The following CAST variants were observed in gnomAD, a reference collection of about 807,000 sequenced individuals.
CAST encodes MIR583 host.
In CAST, 76 loss-of-function variants were observed where a neutral mutation model predicts 119.6. The observed-to-expected ratio is 0.64, with a 90% CI of 0.53 to 0.77. CAST has a LOEUF of 0.77. Among genes scored for constraint, CAST ranks in the 30% least tolerant of loss-of-function variants. The pLI, the probability that CAST is intolerant of heterozygous loss-of-function variation, is 0.00. For synonymous variants in CAST, 319 were observed against 331.6 expected, an observed-to-expected ratio of 0.96 and a Z score of 0.41; for missense variants, 953 against 946.5, an observed-to-expected ratio of 1.01 and a Z score of -0.09.
chr5:96,054,673 C>A, the CAST span, among the ~76,000 whole-genome samples: 1 of 152,078 alleles, frequency 6.6e-6, no homozygotes, highest in Non-Finnish European at 1.5e-5. Context: ...GAGGAACATA[C>A]AATATTGCCG....
At position 96,746,121 on chromosome 5, in the gene CAST, G is replaced by T. The variant is rs56244028; in HGVS notation, c.1201-221G>T. Among the ~76,000 whole-genome samples, 14,231 of 152,216 alleles carry T rather than the reference G, an allele frequency of 0.093. 799 individuals carry two copies. Among genetic ancestry groups the T allele is most frequent in the African/African-American group, 0.14 (5,950 of 41,518 alleles). On this transcript the variant is annotated intron_variant, in intron 16 of 31. Transcript: ENST00000675179. Reference sequence around the variant, plus strand: ...CAGCTGGGAGCAGAACAGGGCAGTTGCCCAGGATCCCTGGCTGGGCTACTT... The same window carrying T: ...CAGCTGGGAGCAGAACAGGGCAGTTTCCCAGGATCCCTGGCTGGGCTACTT...
At chr5:96,675,148 A>G (rs1299773670) in intron 1 of CAST, among the ~76,000 whole-genome samples, 1 of 152,168 alleles carries the variant, frequency 6.6e-6, no homozygotes, top group East Asian at 1.9e-4. Flanking sequence ...TTGGAGGACA[A>G]TTGAGTCCAT....
chr5:96,452,976 A>AAAAAAAAAAAAGAAG, the CAST span, among the ~76,000 whole-genome samples: 3 of 142,352 alleles, frequency 2.1e-5, no homozygotes, highest in African/African-American at 8.8e-5. Context: ...AAAAAAAAAA[A>AAAAAAAAAAAAGAAG]CAGAAGAAAG....
chr5:96,668,147 C>T (rs998891500), intron 1 of CAST, among the ~76,000 whole-genome samples: 3 of 105,790 alleles, frequency 2.8e-5, no homozygotes, highest in Non-Finnish European at 5.3e-5. Context: ...CACAGACACG[C>T]GTGCACACAC....
chr5:96,504,434 G>A, the CAST span, among the ~76,000 whole-genome samples: 4 of 152,168 alleles, frequency 2.6e-5, 1 homozygote, highest in Admixed American at 2.6e-4. Context: ...AATGTCAGAT[G>A]ATCACTGTGT....
the CAST span, among the ~76,000 whole-genome samples, chr5:96,090,085 A>C: frequency 6.5e-4 from 99 of 152,258 alleles, no homozygotes; most frequent in African/African-American, 2.3e-3. Flanking sequence ...GTTATTGTGA[A>C]GGTTAAGTAA....
intron 1 of CAST, among the ~76,000 whole-genome samples, chr5:96,605,891 T>G (rs1021901034): frequency 4.6e-5 from 7 of 152,162 alleles, no homozygotes; most frequent in African/African-American, 1.7e-4. Flanking sequence ...TTGTGAAAAT[T>G]CAGTATTTCA....
Position 96,729,614 on chromosome 5 carries a change from A to G in CAST, c.438A>G (p.Pro146=). ...GGCACCTGTGTGTGTACTTTCAGCCAAAAAGCCTACCCAAGCAGGCATCAG... is the reference window on the plus strand; with the variant it reads ...GGCACCTGTGTGTGTACTTTCAGCCGAAAAGCCTACCCAAGCAGGCATCAG... ...QEGKPKEHTE[P]KSLPKQASDT... is the part of the protein sequence containing the mutation. Residue 146 remains proline (P), a splice_region_variant and synonymous_variant, in exon 8 of 32, where the codon CCA becomes CCG. Transcript: ENST00000675179. 6.7e-7 allele frequency: 1 copy of G among 1,496,618 alleles called. No individual in the cohort carries two copies. The highest frequency in any genetic ancestry group is 9.3e-7 in the Non-Finnish European group (1 of 1,073,450). The allele number at this position is 1,496,618 out of a possible 1,614,324, so 92.7% of individuals were successfully genotyped here.
rs1280156669 is a variant in CAST, at chr5:96,730,845, C to G, written c.615C>G (p.Gly205=). ...TTGCTGGTATCACTGCAATATCTGG[C>G]AAGCCGGGTGACAAGGTGAGCACAC... ...ESVAGITAIS[G]KPGDKKKEKK... Residue 205 remains glycine, a synonymous_variant, in exon 9 of 32, where the codon GGC becomes GGG. Coordinates refer to ENST00000675179, the MANE Select transcript of CAST (RefSeq NM_001750.7). 6.2e-6 allele frequency: 10 copies of G among 1,613,148 alleles called. No individual in the cohort carries two copies. The highest frequency in any genetic ancestry group is 7.6e-6 in the Non-Finnish European group (9 of 1,179,104).
the CAST span, among the ~76,000 whole-genome samples, chr5:96,176,819 G>A: frequency 6.6e-6 from 1 of 152,132 alleles, no homozygotes; most frequent in Non-Finnish European, 1.5e-5. Context: ...TAGTGAGGCT[G>A]CTACTGCTTT....
the CAST span, among the ~76,000 whole-genome samples, chr5:96,218,117 G>C: frequency 6.6e-6 from 1 of 152,112 alleles, no homozygotes; most frequent in Non-Finnish European, 1.5e-5. Context: ...CTGTTTAAAA[G>C]GTTTTGCATG....
chr5:96,048,301 T>C, the CAST span, among the ~76,000 whole-genome samples: 3 of 152,154 alleles, frequency 2.0e-5, no homozygotes, highest in African/African-American at 7.2e-5. Flanking sequence ...CTGGATGAGT[T>C]AGAGGCTACT....
chr5:96,149,235 C>T, the CAST span, among the ~76,000 whole-genome samples: 3 of 152,152 alleles, frequency 2.0e-5, no homozygotes, highest in African/African-American at 7.2e-5. Flanking sequence ...GGCAAGACTC[C>T]CTCCATAACT....
chr5:96,378,864 T>C, the CAST span, among the ~76,000 whole-genome samples: 1 of 152,138 alleles, frequency 6.6e-6, no homozygotes, highest in Non-Finnish European at 1.5e-5. Context: ...TGTTGGTGTA[T>C]ATGTATTTTT....
chr5:96,418,014 A>G, the CAST span, among the ~76,000 whole-genome samples: 1 of 152,234 alleles, frequency 6.6e-6, no homozygotes, highest in Non-Finnish European at 1.5e-5. Context: ...AACAGAATCA[A>G]TCTGCTGACA....
intron 1 of CAST, among the ~76,000 whole-genome samples, chr5:96,573,571 T>A (rs1271042080): frequency 6.6e-6 from 1 of 151,934 alleles, no homozygotes; most frequent in Non-Finnish European, 1.5e-5. Flanking sequence ...CCCAAGGAGA[T>A]CAAGGCTGCA....
At chr5:96,405,756 C>G in the CAST span, among the ~76,000 whole-genome samples, 16 of 152,148 alleles carry the variant, frequency 1.1e-4, no homozygotes, top group African/African-American at 3.6e-4. Context: ...GTTTTAGAAA[C>G]CAAGGATTGC....
At chr5:96,597,505 A>C (rs971280849) in intron 1 of CAST, among the ~76,000 whole-genome samples, 1 of 152,184 alleles carries the variant, frequency 6.6e-6, no homozygotes, top group African/African-American at 2.4e-5. Flanking sequence ...AGCTCCTCTA[A>C]TTACCACTAA....
the CAST span, among the ~76,000 whole-genome samples, chr5:96,306,830 T>G: frequency 6.6e-6 from 1 of 152,152 alleles, no homozygotes; most frequent in South Asian, 2.1e-4. Flanking sequence ...CTTATGATTT[T>G]GTATTCTTTT....
Sources: gnomAD v4.1 joint callset for allele counts (sites outside exome capture counted in the v4.1 genomes callset) on GRCh38, gnomAD v4.1.1 for gene constraint, MANE v1.5 for transcripts, NCBI Gene and HGNC (gene_info 2026-07-23, HGNC 2026-07-21) for gene names.